The following ATF2 variants were observed in gnomAD, a reference collection of about 807,000 sequenced individuals.
The protein encoded by ATF2 is activating transcription factor 2.
In ATF2, 24 loss-of-function variants were observed where a neutral mutation model predicts 60.6. The observed-to-expected ratio is 0.40, with a 90% CI of 0.29 to 0.56. The LOEUF is 0.56. ATF2 is among the 20% of genes least tolerant of loss of function. The pLI is 0.54. For synonymous variants in ATF2, 206 were observed against 215.4 expected, an observed-to-expected ratio of 0.96 and a Z score of 0.38; for missense variants, 433 against 607.7, an observed-to-expected ratio of 0.71 and a Z score of 3.02.
At chr2:175,140,649 C>A (rs1698437957) in intron 2 of ATF2, among the ~76,000 whole-genome samples, 1 of 151,324 alleles carries the variant, frequency 6.6e-6, no homozygotes, top group Non-Finnish European at 1.5e-5. Flanking sequence ...GTCAATTATA[C>A]CTTAAAAAGC....
chr2:175,087,161 T>C (rs372084598), intron 12 of ATF2, among the ~76,000 whole-genome samples: 3 of 152,198 alleles, frequency 2.0e-5, no homozygotes, highest in Admixed American at 6.5e-5. Context: ...GGTTGTACTA[T>C]CTACTATTTG....
chr2:175,165,582 T>C (rs1000228104), intron 1 of ATF2, among the ~76,000 whole-genome samples: 1 of 152,254 alleles, frequency 6.6e-6, no homozygotes, highest in African/African-American at 2.4e-5. Context: ...ATGGCATATT[T>C]TTCTACCATA....
intron 5 of ATF2, among the ~76,000 whole-genome samples, chr2:175,119,952 T>C (rs1696839854): frequency 6.6e-6 from 1 of 151,710 alleles, no homozygotes; most frequent in Non-Finnish European, 1.5e-5. Context: ...TGCATATGGC[T>C]ACTGATCACC....
chr2:175,142,723 G>GTC (rs1251740850), intron 2 of ATF2, among the ~76,000 whole-genome samples: 23 of 43,930 alleles, frequency 5.2e-4, no homozygotes, highest in African/African-American at 1.4e-3. Context: ...GAGAGAGAGT[G>GTC]TGTGTGTGTG....
intron 12 of ATF2, among the ~76,000 whole-genome samples, chr2:175,083,505 A>G (rs1693916546): frequency 6.6e-6 from 1 of 152,248 alleles, no homozygotes; most frequent in Non-Finnish European, 1.5e-5. Flanking sequence ...AAGATGGATT[A>G]AAGACTTTAA....
At chr2:175,109,188 A>T (rs1304408347) in intron 10 of ATF2, among the ~76,000 whole-genome samples, 2 of 151,082 alleles carry the variant, frequency 1.3e-5, no homozygotes, top group East Asian at 3.9e-4. Flanking sequence ...AAAAAAAAAA[A>T]AAAAAGACTG....
intron 9 of ATF2, among the ~76,000 whole-genome samples, chr2:175,112,313 T>C (rs1427479317): frequency 6.6e-6 from 1 of 152,178 alleles, no homozygotes; most frequent in East Asian, 1.9e-4. Flanking sequence ...CAAAAAAATA[T>C]TCTCAGTAAA....
At position 175,073,914 on chromosome 2, in the gene ATF2, T is replaced by C. The variant is rs538961927; in HGVS notation, c.*695A>G. The C allele has an allele frequency of 1.1e-4, 16 of 152,248 alleles. 3 individuals carry two copies. The highest frequency in any genetic ancestry group is 3.8e-4 in the African/African-American group (16 of 41,564). 9.4% of individuals were successfully genotyped at this position (152,248 alleles called of 1,614,324 possible). A position where few individuals can be genotyped will look rare whatever the true frequency, so the allele number is the denominator to read the frequency against. Reference sequence around the variant, plus strand: ...ATTTAAGACTTGAAAAATAAAATCATTTTTGAAATGCTGAAAATTCTAAAA... The same window carrying C: ...ATTTAAGACTTGAAAAATAAAATCACTTTTGAAATGCTGAAAATTCTAAAA... On this transcript the variant is annotated 3_prime_UTR_variant, in exon 14 of 14. Coordinates refer to ENST00000264110, the MANE Select transcript of ATF2 (RefSeq NM_001880.4).
chr2:175,073,338 TGTTA>T lies in ATF2; in HGVS notation c.*1267_*1270del. 6.6e-6 allele frequency: 1 copy of T among 152,202 alleles called. No individual in the cohort carries two copies. The highest frequency in any genetic ancestry group is 3.4e-3 in the Middle Eastern group (1 of 294). 9.4% of individuals were successfully genotyped at this position (152,202 alleles called of 1,614,324 possible). On this transcript the variant is annotated 3_prime_UTR_variant, in exon 14 of 14. Coordinates refer to ENST00000264110, the MANE Select transcript of ATF2 (RefSeq NM_001880.4). ...ATCAGAAACAAGCTACATCATGGAA[TGTTA>T]GTTATCCAAGCCTGCACAATAATGA... is the stretch of plus-strand genomic sequence containing the variant.
intron 10 of ATF2, among the ~76,000 whole-genome samples, chr2:175,098,091 G>A (rs1466028124): frequency 6.6e-6 from 1 of 152,180 alleles, no homozygotes; most frequent in African/African-American, 2.4e-5. Flanking sequence ...TTTGTCATAT[G>A]CAACTATTTT....
At chr2:175,100,993 T>A (rs1255790629) in intron 10 of ATF2, among the ~76,000 whole-genome samples, 3 of 152,210 alleles carry the variant, frequency 2.0e-5, no homozygotes, top group African/African-American at 7.2e-5. Context: ...AAATTAAATT[T>A]ATGTTCAAGT....
intron 12 of ATF2, among the ~76,000 whole-genome samples, chr2:175,091,113 A>G (rs899419623): frequency 2.7e-4 from 41 of 152,194 alleles, no homozygotes; most frequent in African/African-American, 8.2e-4. Flanking sequence ...GTACTACTTC[A>G]TAGTTTTCAG....
chr2:175,095,598 T>C (rs1694881753), intron 11 of ATF2, among the ~76,000 whole-genome samples: 1 of 152,222 alleles, frequency 6.6e-6, no homozygotes, highest in Non-Finnish European at 1.5e-5. Context: ...CTTAGAAGTG[T>C]ATACTGCTCC....
chr2:175,165,362 A>T (rs1057097247), intron 1 of ATF2, among the ~76,000 whole-genome samples: 1 of 152,200 alleles, frequency 6.6e-6, no homozygotes, highest in Admixed American at 6.5e-5. Context: ...GGTATATTTC[A>T]TATTGGAAGG....
intron 2 of ATF2, among the ~76,000 whole-genome samples, chr2:175,141,528 T>C (rs1039683014): frequency 6.6e-6 from 1 of 152,186 alleles, no homozygotes; most frequent in Non-Finnish European, 1.5e-5. Context: ...AGTCTCGCTC[T>C]GTCGTCCAGG....
rs867890148 is a variant in ATF2 at position 175,131,996 on chromosome 2, C to A, written c.33-1789G>T. On this transcript the variant is annotated intron_variant, in intron 3 of 13. Coordinates refer to ENST00000264110, the MANE Select transcript of ATF2 (RefSeq NM_001880.4). Reference sequence around the variant, plus strand: ...TTAGTGAGAAAGGCATTATTTCCCACTTTTTGCAAATCCTTAACATCTGGC... The same window carrying A: ...TTAGTGAGAAAGGCATTATTTCCCAATTTTTGCAAATCCTTAACATCTGGC... Among the ~76,000 whole-genome samples, 3 of 152,266 alleles carry A rather than the reference C, an allele frequency of 2.0e-5. No individual in the cohort carries two copies. In the Middle Eastern group the frequency reaches 0.01, roughly 518 times the overall value.
intron 12 of ATF2, among the ~76,000 whole-genome samples, chr2:175,086,958 A>G (rs1361767439): frequency 3.3e-5 from 5 of 152,160 alleles, no homozygotes; most frequent in Non-Finnish European, 7.3e-5. Context: ...TTCTATACAC[A>G]GAGACCTCAG....
chr2:175,130,171 T>C lies in ATF2; in HGVS notation c.69A>G (p.Lys23=), dbSNP rs754497645. The C allele has an allele frequency of 6.3e-7, 1 of 1,596,718 alleles. No homozygotes were observed. The highest frequency in any genetic ancestry group is 8.5e-7 in the Non-Finnish European group (1 of 1,171,464). Reference sequence around the variant, plus strand: ...ATCCAGGCGCAGTACATAGAAAGGGTTTGTCATCACTCATATTCCACAGGT... The same window carrying C: ...ATCCAGGCGCAGTACATAGAAAGGGCTTGTCATCACTCATATTCCACAGGT... The part of the protein sequence containing the change: ...YKDLWNMSDD[K]PFLCTAPGCG... The change falls in exon 4 of 14, where the codon AAA becomes AAG. Residue 23 remains lysine (K), a synonymous_variant. Coordinates refer to ENST00000264110, the MANE Select transcript of ATF2 (RefSeq NM_001880.4).
intron 10 of ATF2, among the ~76,000 whole-genome samples, chr2:175,099,553 T>C (rs1015727196): frequency 2.6e-5 from 4 of 152,218 alleles, no homozygotes; most frequent in Non-Finnish European, 5.9e-5. Flanking sequence ...TGTTTTCTGA[T>C]CCCAAGAGTT....
Sources: gnomAD v4.1 joint callset for allele counts (sites outside exome capture counted in the v4.1 genomes callset) on GRCh38, gnomAD v4.1.1 for gene constraint, MANE v1.5 for transcripts, NCBI Gene and HGNC (gene_info 2026-07-23, HGNC 2026-07-21) for gene names.